BTRC: variants seen among roughly 807,000 people sequenced by gnomAD.
BTRC encodes F-box/WD repeat-containing protein 1A.
BTRC carries 42 observed loss-of-function variants against 85.5 expected under a neutral mutation model. The ratio of observed to expected loss-of-function variants is 0.49; its 90% CI spans 0.38 to 0.64. BTRC has a LOEUF of 0.64. Among genes scored for constraint, BTRC ranks in the 30% least tolerant of loss-of-function variants. The pLI, the probability that BTRC is intolerant of heterozygous loss-of-function variation, is 0.00. For missense variants in BTRC, 594 were observed against 743.5 expected, an observed-to-expected ratio of 0.80 and a Z score of 2.34; for synonymous variants, 255 against 263.3, an observed-to-expected ratio of 0.97 and a Z score of 0.30.
At position 101,521,874 on chromosome 10, in the gene BTRC, T is replaced by TA. The variant is rs1209386765; in HGVS notation, c.556+4_556+5insA. The TA allele has an allele frequency of 6.3e-7, 1 of 1,592,148 alleles. No homozygotes were observed. The highest frequency in any genetic ancestry group is 1.7e-5 in the Admixed American group (1 of 59,802). On this transcript the variant is annotated splice_donor_region_variant and intron_variant, in intron 5 of 14. Coordinates refer to ENST00000370187, the MANE Select transcript of BTRC (RefSeq NM_033637.4). ...GATTTCATAACTGCTCTGCCAGGTA[T>TA]GTCTACAAGTGTTTGTAAACCATTA...
At chr10:101,514,792 T>C (rs1564818415) in intron 4 of BTRC, among the ~76,000 whole-genome samples, 2 of 152,024 alleles carry the variant, frequency 1.3e-5, no homozygotes, top group African/African-American at 4.8e-5. Flanking sequence ...TGAAAGTCAG[T>C]TGGCTGTATG....
chr10:101,487,054 T>C (rs1310943901), intron 4 of BTRC, among the ~76,000 whole-genome samples: 1 of 152,246 alleles, frequency 6.6e-6, no homozygotes, highest in Admixed American at 6.5e-5. Context: ...GTGATCATTA[T>C]AGAAATAATT....
intron 1 of BTRC, among the ~76,000 whole-genome samples, chr10:101,415,572 A>G (rs565599286): frequency 2.2e-5 from 3 of 135,118 alleles, no homozygotes; most frequent in South Asian, 2.4e-4. Flanking sequence ...ACAGAGTTTC[A>G]CTCTTGTTGC....
intron 2 of BTRC, among the ~76,000 whole-genome samples, chr10:101,450,347 G>A (rs1181070584): frequency 6.6e-6 from 1 of 152,000 alleles, no homozygotes; most frequent in African/African-American, 2.4e-5. Flanking sequence ...TTAATTAATG[G>A]TGAAACATTA....
intron 1 of BTRC, among the ~76,000 whole-genome samples, chr10:101,390,203 T>C (rs1484144970): frequency 6.6e-6 from 1 of 152,224 alleles, no homozygotes; most frequent in Non-Finnish European, 1.5e-5. Context: ...CTTTCTTTTT[T>C]TTCATTTTGT....
Position 101,430,388 on chromosome 10 carries a change from CG to C in BTRC, c.94del (p.Asp32ThrfsTer38). On this transcript the variant is annotated frameshift_variant, in exon 2 of 15. Coordinates refer to ENST00000370187, the MANE Select transcript of BTRC (RefSeq NM_033637.4). LOFTEE classifies it high-confidence loss of function. The stretch of plus-strand genomic sequence containing the variant: ...CTGTGGCTGGGCTGCTCCAGCCTGG[CG>C]GACAGCATGCCTTCGCTGCGATGCC... ...RSLWLGCSSL[A>X]DSMPSLRCLY... 1 of 1,614,054 alleles carries C rather than the reference CG, an allele frequency of 6.2e-7. No homozygotes were observed.
At chr10:101,534,621 G>A in intron 9 of BTRC, 40 bp from the exon 10 acceptor site, 2 of 1,610,588 alleles carry the variant, frequency 1.2e-6, no homozygotes, top group African/African-American at 1.3e-5. Flanking sequence ...GTAACAGATT[G>A]TAGCTTGAGT....
In BTRC at chr10:101,442,296, A is replaced by ATGTGTGTGTGTGTGTGTG. The variant is rs139018865; in HGVS notation, c.156+11850_156+11867dup. Among the ~76,000 whole-genome samples, 133 of 142,096 alleles carry ATGTGTGTGTGTGTGTGTG rather than the reference A, an allele frequency of 9.4e-4. 1 individual carries two copies. The highest frequency in any genetic ancestry group is 2.5e-3 in the African/African-American group (96 of 38,746). The allele number at this position is 142,096 out of a possible 152,430, so 93.2% of individuals were successfully genotyped here. A position where few individuals can be genotyped will look rare whatever the true frequency, so the allele number is the denominator to read the frequency against. ...TCTCTCTCTCTCTGTCTCTGTGTGTATGTGTGTGTGTGTGTGTGTGTGTAA... is the reference window on the plus strand; with the variant it reads ...TCTCTCTCTCTCTGTCTCTGTGTGTATGTGTGTGTGTGTGTGTGTGTGTGTGTGTGTGTGTGTGTGTAA... On this transcript the variant is annotated intron_variant, in intron 2 of 14. Transcript: ENST00000370187.
Position 101,554,128 on chromosome 10 carries a change from CCTT to C in BTRC, c.*1006_*1008del, listed in dbSNP as rs1220562599. ...GCATCTTTTCTGGACTCAGCAGTCT[CCTT>C]GATTCCATGTAGAGTGTGGAAAGGA... On this transcript the variant is annotated 3_prime_UTR_variant, in exon 15 of 15. Coordinates refer to ENST00000370187, the MANE Select transcript of BTRC (RefSeq NM_033637.4). The C allele has an allele frequency of 6.6e-6, 1 of 152,190 alleles. No homozygotes were observed. Among genetic ancestry groups the C allele is most frequent in the Non-Finnish European group, 1.5e-5 (1 of 68,052 alleles). 9.4% of individuals were successfully genotyped at this position (152,190 alleles called of 1,614,324 possible). A position where few individuals can be genotyped will look rare whatever the true frequency, so the allele number is the denominator to read the frequency against.
intron 2 of BTRC, among the ~76,000 whole-genome samples, chr10:101,434,272 T>C (rs185410074): frequency 1.3e-5 from 2 of 152,340 alleles, no homozygotes; most frequent in Admixed American, 1.3e-4. Flanking sequence ...TCTTGAAGAT[T>C]AGTTGCAGTA....
chr10:101,406,263 G>A (rs1055418367), intron 1 of BTRC, among the ~76,000 whole-genome samples: 48 of 147,894 alleles, frequency 3.2e-4, no homozygotes, highest in African/African-American at 1.1e-3. Context: ...TGCAAGCTCC[G>A]CCTCCCGGGT....
At chr10:101,459,038 A>C (rs565163006) in intron 2 of BTRC, among the ~76,000 whole-genome samples, 36 of 152,216 alleles carry the variant, frequency 2.4e-4, no homozygotes, top group Non-Finnish European at 4.8e-4. Context: ...GGACTCAGGC[A>C]GTCCCTCTGC....
At chr10:101,379,877 T>A (rs956468057) in intron 1 of BTRC, among the ~76,000 whole-genome samples, 15 of 152,340 alleles carry the variant, frequency 9.8e-5, no homozygotes, top group Non-Finnish European at 2.1e-4. Context: ...TTACAAGGTA[T>A]GTAATAAGCT....
chr10:101,453,098 C>T (rs1260082709), intron 2 of BTRC, among the ~76,000 whole-genome samples: 1 of 151,998 alleles, frequency 6.6e-6, no homozygotes, highest in Non-Finnish European at 1.5e-5. Context: ...ATAATAATTT[C>T]TGTTTTTGTA....
At chr10:101,358,005 T>G (rs1470875287) in intron 1 of BTRC, among the ~76,000 whole-genome samples, 1 of 152,010 alleles carries the variant, frequency 6.6e-6, no homozygotes, top group African/African-American at 2.4e-5. Context: ...AGAAGAGAAA[T>G]GAAAATGATT....
At chr10:101,410,478 G>C (rs1450149915) in intron 1 of BTRC, among the ~76,000 whole-genome samples, 1 of 152,020 alleles carries the variant, frequency 6.6e-6, no homozygotes, top group African/African-American at 2.4e-5. Flanking sequence ...AGCCAGGCAC[G>C]ATGATGCGTG....
At chr10:101,466,286 C>G (rs1177565731) in intron 3 of BTRC, among the ~76,000 whole-genome samples, 1 of 152,150 alleles carries the variant, frequency 6.6e-6, no homozygotes, top group Non-Finnish European at 1.5e-5. Context: ...TCTCAACTCT[C>G]TGAAAGCAGC....
chr10:101,403,625 CTG>C (rs918875231), intron 1 of BTRC, among the ~76,000 whole-genome samples: 2 of 152,076 alleles, frequency 1.3e-5, no homozygotes, highest in Non-Finnish European at 2.9e-5. Context: ...AGGTCTAGCT[CTG>C]TTGCCCAAAC....
rs564418509 is a variant in BTRC at position 101,470,921 on chromosome 10, T to C, written c.235-8447T>C. On this transcript the variant is annotated intron_variant, in intron 3 of 14. Coordinates refer to ENST00000370187, the MANE Select transcript of BTRC (RefSeq NM_033637.4). Reference sequence around the variant, plus strand: ...TTCATTTGTCCAAACCATTTAGTTATATAAGAGTTATATTCTCAAACCTCC... The same window carrying C: ...TTCATTTGTCCAAACCATTTAGTTACATAAGAGTTATATTCTCAAACCTCC... Among the ~76,000 whole-genome samples the C allele has an allele frequency of 3.3e-5, 5 of 152,300 alleles. No homozygotes were observed. In the East Asian group the frequency reaches 9.7e-4, roughly 29 times the overall value.
Sources: gnomAD v4.1 joint callset for allele counts (sites outside exome capture counted in the v4.1 genomes callset) on GRCh38, gnomAD v4.1.1 for gene constraint, MANE v1.5 for transcripts, NCBI Gene and HGNC (gene_info 2026-07-23, HGNC 2026-07-21) for gene names.